Variants in STX6 observed in about 807,000 individuals in gnomAD.
STX6 encodes the protein syntaxin 6.
STX6 carries 23 observed loss-of-function variants against 38.0 expected under a neutral mutation model. That is an observed-to-expected ratio of 0.60 (90% confidence interval 0.43 to 0.86). The LOEUF is 0.86. STX6 is among the 40% of genes least tolerant of loss of function. The pLI is 0.00. For synonymous variants in STX6, 123 were observed against 107.5 expected, an observed-to-expected ratio of 1.14 and a Z score of -0.89; for missense variants, 274 against 312.9, an observed-to-expected ratio of 0.88 and a Z score of 0.94.
chr1:181,000,172 A>T (rs1656041204), intron 3 of STX6, among the ~76,000 whole-genome samples: 1 of 152,268 alleles, frequency 6.6e-6, no homozygotes, highest in African/African-American at 2.4e-5. Flanking sequence ...TAAAATATTC[A>T]GGTGGATCAC....
In STX6 at chr1:180,991,928, A is replaced by C. The variant is rs151207262; in HGVS notation, c.363+1435T>G. On this transcript the variant is annotated intron_variant, in intron 4 of 7. Transcript: ENST00000258301. Reference sequence around the variant, plus strand: ...TACATGTATATATACTTTATATAAAATATATTTAAATTTATATATATATAT... The same window carrying C: ...TACATGTATATATACTTTATATAAACTATATTTAAATTTATATATATATAT... Among the ~76,000 whole-genome samples, 14 of 27,712 alleles carry C rather than the reference A, an allele frequency of 5.1e-4. No individual in the cohort carries two copies. The East Asian group carries it at 0.01, about 21-fold the overall frequency. 18.2% of individuals were successfully genotyped at this position (27,712 alleles called of 152,430 possible).
chr1:181,008,731 T>TTTG (rs1409817340), intron 1 of STX6, among the ~76,000 whole-genome samples: 26 of 150,256 alleles, frequency 1.7e-4, no homozygotes, highest in South Asian at 8.6e-4. Flanking sequence ...AAAATTGTTT[T>TTTG]TTTTTTTTTT....
At chr1:180,993,134 T>C (rs1655800082) in intron 4 of STX6, among the ~76,000 whole-genome samples, 1 of 152,140 alleles carries the variant, frequency 6.6e-6, no homozygotes, top group South Asian at 2.1e-4. Flanking sequence ...AAAGGTGCTA[T>C]GGAGCCCAGA....
chr1:181,022,855 C>T lies in STX6; in HGVS notation c.-182G>A. ...GGCCGCTGGTCCAGCACTCGCTCAG[C>T]ACCACTGGCCGAATCCCGGACTCGG... is the stretch of plus-strand genomic sequence containing the variant. On this transcript the variant is annotated 5_prime_UTR_variant, in exon 1 of 8. Transcript: ENST00000258301. 1 of 574,278 alleles carries T rather than the reference C, an allele frequency of 1.7e-6. No individual in the cohort carries two copies. Among genetic ancestry groups the T allele is most frequent in the Non-Finnish European group, 3.0e-6 (1 of 333,408 alleles). The allele number at this position is 574,278 out of a possible 1,614,324, so 35.6% of individuals were successfully genotyped here. A position where few individuals can be genotyped will look rare whatever the true frequency, so the allele number is the denominator to read the frequency against.
intron 1 of STX6, among the ~76,000 whole-genome samples, chr1:181,011,299 G>A (rs1036348353): frequency 2.0e-5 from 3 of 152,206 alleles, no homozygotes; most frequent in African/African-American, 4.8e-5. Flanking sequence ...AATCTGCAGT[G>A]TATCAGGGAA....
intron 3 of STX6, among the ~76,000 whole-genome samples, chr1:180,995,364 T>G (rs1415857210): frequency 2.0e-5 from 3 of 152,182 alleles, no homozygotes. Context: ...CCCCATTCCT[T>G]GTCTTACAAT....
At chr1:180,982,579 T>C (rs989233503) in intron 7 of STX6, among the ~76,000 whole-genome samples, 1 of 152,230 alleles carries the variant, frequency 6.6e-6, no homozygotes, top group African/African-American at 2.4e-5. Context: ...TTTTCTAAAT[T>C]ATTCATACCC....
rs1370952844 is a variant in STX6 at position 180,976,647 on chromosome 1, C to G, written c.692-1G>C. The G allele has an allele frequency of 6.2e-7, 1 of 1,613,294 alleles. No individual in the cohort carries two copies. On this transcript the variant is annotated splice_acceptor_variant, in intron 7 of 7. Coordinates refer to ENST00000258301, the MANE Select transcript of STX6 (RefSeq NM_005819.6). LOFTEE classifies it high-confidence loss of function. ...GCTATGGCACACCATTGGCGCCGAT[C>G]TGGAAGGCAGGACATGGGGATTAGC...
In STX6 at chr1:181,020,002, A is replaced by C. The variant is rs575303590; in HGVS notation, c.35+2637T>G. On this transcript the variant is annotated intron_variant, in intron 1 of 7. Transcript: ENST00000258301. ...ATGGTGAAACCCCGTCTCTACTAAA[A>C]AATACAAAAAATTAGCCGGGCGTGG... 6.6e-5 allele frequency among the ~76,000 whole-genome samples: 10 copies of C among 152,102 alleles called. 1 individual carries two copies. In the South Asian group the frequency reaches 1.5e-3, roughly 22 times the overall value.
rs909293839 is a variant in STX6, at chr1:180,975,901, G to A, written c.*669C>T. ...CTCCTGTCAGTTAAAGCCACAAGTT[G>A]TTAGCACCCCCAAACCCCAGGGTGT... On this transcript the variant is annotated 3_prime_UTR_variant, in exon 8 of 8. Coordinates refer to ENST00000258301, the MANE Select transcript of STX6 (RefSeq NM_005819.6). 6.6e-6 allele frequency: 1 copy of A among 152,352 alleles called. No individual in the cohort carries two copies. The highest frequency in any genetic ancestry group is 1.5e-5 in the Non-Finnish European group (1 of 68,022). The allele number at this position is 152,352 out of a possible 1,614,324, so 9.4% of individuals were successfully genotyped here.
intron 4 of STX6, 81 bp from the exon 5 acceptor site, chr1:180,990,190 TAAA>T: frequency 6.5e-7 from 1 of 1,547,360 alleles, no homozygotes; most frequent in Non-Finnish European, 8.8e-7. Flanking sequence ...AAGAGTGATA[TAAA>T]GAGTTTTCAC....
Position 180,974,969 on chromosome 1 carries a change from ATTG to A in STX6, c.*1598_*1600del, listed in dbSNP as rs1444024994. ...TGAGATAAAATATCCTTCTTCAAAA[ATTG>A]TTAAGAATATTTATTAAAAAGTGCA... On this transcript the variant is annotated 3_prime_UTR_variant, in exon 8 of 8. Transcript: ENST00000258301. 1 of 152,664 alleles carries A rather than the reference ATTG, an allele frequency of 6.6e-6. No individual in the cohort carries two copies. Among genetic ancestry groups the A allele is most frequent in the Non-Finnish European group, 1.5e-5 (1 of 68,046 alleles). The allele number at this position is 152,664 out of a possible 1,614,324, so 9.5% of individuals were successfully genotyped here. A position where few individuals can be genotyped will look rare whatever the true frequency, so the allele number is the denominator to read the frequency against.
intron 1 of STX6, among the ~76,000 whole-genome samples, chr1:181,018,456 A>T (rs1219728930): frequency 6.7e-6 from 1 of 148,930 alleles, no homozygotes; most frequent in Non-Finnish European, 1.5e-5. Flanking sequence ...GTATAATCCC[A>T]ATTTTTAAAA....
At chr1:181,011,610 T>C (rs1656403349) in intron 1 of STX6, among the ~76,000 whole-genome samples, 1 of 152,234 alleles carries the variant, frequency 6.6e-6, no homozygotes, top group East Asian at 1.9e-4. Flanking sequence ...AACTGAAGAT[T>C]ACTTGGCATT....
intron 3 of STX6, among the ~76,000 whole-genome samples, chr1:180,995,230 G>T (rs1291357288): frequency 6.6e-6 from 1 of 151,956 alleles, no homozygotes; most frequent in Non-Finnish European, 1.5e-5. Flanking sequence ...CAAAGTGCTG[G>T]GATTACAGGC....
intron 1 of STX6, among the ~76,000 whole-genome samples, chr1:181,021,720 G>C (rs1656731053): frequency 6.6e-6 from 1 of 152,122 alleles, no homozygotes; most frequent in South Asian, 2.1e-4. Context: ...GCTACGAAGT[G>C]GATATTACAA....
intron 2 of STX6, 21 bp downstream of exon 2, chr1:181,005,273 A>G: frequency 2.5e-6 from 4 of 1,606,396 alleles, no homozygotes; most frequent in Non-Finnish European, 3.4e-6. Flanking sequence ...CGAATGGCAC[A>G]GACACCACAG....
intron 1 of STX6, among the ~76,000 whole-genome samples, chr1:181,020,177 T>C (rs1357522132): frequency 2.0e-5 from 3 of 151,670 alleles, no homozygotes; most frequent in Admixed American, 6.6e-5. Flanking sequence ...ATTGCACCAC[T>C]GCACTCCAGT....
At chr1:180,978,035 G>T (rs920140380) in intron 7 of STX6, among the ~76,000 whole-genome samples, 1 of 152,164 alleles carries the variant, frequency 6.6e-6, no homozygotes, top group African/African-American at 2.4e-5. Context: ...AAGGTCTAGG[G>T]AAGGCAGAGA....
Sources: allele counts gnomAD v4.1 joint callset (sites outside exome capture counted in the v4.1 genomes callset), GRCh38; gene constraint gnomAD v4.1.1; transcripts MANE v1.5; gene names NCBI Gene and HGNC (gene_info 2026-07-23, HGNC 2026-07-21).